EFHD1: variants seen among roughly 807,000 people sequenced by gnomAD.
EFHD1 encodes the protein EF-hand domain-containing protein D1.
In EFHD1, 10 loss-of-function variants were observed where a neutral mutation model predicts 17.2. The observed-to-expected ratio is 0.58, with a 90% CI of 0.36 to 0.99. The LOEUF is 0.99. EFHD1 is among the 50% of genes least tolerant of loss of function. The pLI, the probability that EFHD1 is intolerant of heterozygous loss-of-function variation, is 0.01. For missense variants in EFHD1, 310 were observed against 327.5 expected, an observed-to-expected ratio of 0.95 and a Z score of 0.41; for synonymous variants, 153 against 142.0, an observed-to-expected ratio of 1.08 and a Z score of -0.55.
At chr2:232,608,066 G>T (rs1439357626) in intron 1 of EFHD1, among the ~76,000 whole-genome samples, 1 of 150,892 alleles carries the variant, frequency 6.6e-6, no homozygotes, top group Non-Finnish European at 1.5e-5. Context: ...ATGGAATCAA[G>T]TCCCTTATAT....
At chr2:232,629,603 G>A (rs1442631880), upstream of EFHD1, among the ~76,000 whole-genome samples, 3 of 151,972 alleles carry the variant, frequency 2.0e-5, no homozygotes, top group Non-Finnish European at 4.4e-5. Flanking sequence ...CGAGTACCTG[G>A]GACTACAGGT....
intron 1 of EFHD1, among the ~76,000 whole-genome samples, chr2:232,613,645 T>TACAC (rs755155291): frequency 0.011 from 1,517 of 132,510 alleles, 20 homozygotes; most frequent in Non-Finnish European, 0.019. Context: ...TACACACACA[T>TACAC]ACACACACAC....
chr2:232,613,928 ACATACC>A (rs1430560807), intron 1 of EFHD1, among the ~76,000 whole-genome samples: 1 of 152,018 alleles, frequency 6.6e-6, no homozygotes, highest in Admixed American at 6.6e-5. Context: ...AAATATATAC[ACATACC>A]CATATACACA....
intron 1 of EFHD1, among the ~76,000 whole-genome samples, chr2:232,635,102 G>A (rs1023860145): frequency 6.6e-6 from 1 of 152,212 alleles, no homozygotes; most frequent in Non-Finnish European, 1.5e-5. Flanking sequence ...TCTTTGTCTG[G>A]CTTCCAGGCA....
intron 1 of EFHD1, among the ~76,000 whole-genome samples, chr2:232,653,076 C>T (rs34472888): frequency 0.06 from 9,119 of 152,076 alleles, 290 homozygotes; most frequent in South Asian, 0.11. Context: ...TCACTGCAAC[C>T]TCTGTCCCCT....
upstream of EFHD1, among the ~76,000 whole-genome samples, chr2:232,629,907 A>G (rs947644331): frequency 1.3e-5 from 2 of 151,938 alleles, no homozygotes; most frequent in Non-Finnish European, 2.9e-5. Flanking sequence ...TCATATTTGT[A>G]CAGTAAGATT....
At chr2:232,629,571 C>T (rs1694165576), upstream of EFHD1, among the ~76,000 whole-genome samples, 1 of 151,900 alleles carries the variant, frequency 6.6e-6, no homozygotes, top group African/African-American at 2.4e-5. Context: ...CGAGTTCAAG[C>T]GATTCTTCTG....
At chr2:232,627,652 T>C (rs2106189911) in intron 1 of EFHD1, among the ~76,000 whole-genome samples, 1 of 152,270 alleles carries the variant, frequency 6.6e-6, no homozygotes, top group South Asian at 2.1e-4. Context: ...CTAACTATCT[T>C]CTATTAAGCC....
chr2:232,622,921 G>A (rs1694046158), intron 1 of EFHD1, among the ~76,000 whole-genome samples: 1 of 152,186 alleles, frequency 6.6e-6, no homozygotes, highest in African/African-American at 2.4e-5. Context: ...TACATGTAGG[G>A]ATGATAATGT....
intron 1 of EFHD1, among the ~76,000 whole-genome samples, chr2:232,618,258 G>T (rs1188205511): frequency 6.6e-6 from 1 of 152,022 alleles, no homozygotes; most frequent in Non-Finnish European, 1.5e-5. Flanking sequence ...GACCTCAGGT[G>T]ATCCACCTGC....
chr2:232,638,426 T>C (rs1465806249), intron 1 of EFHD1: 1 of 471,172 alleles, frequency 2.1e-6, no homozygotes, highest in East Asian at 6.9e-5. Context: ...GGTGATGTCA[T>C]GGATGTCCTG....
Position 232,607,591 on chromosome 2 carries a change from C to CA in EFHD1, c.14+1433dup, listed in dbSNP as rs34534356. The stretch of plus-strand genomic sequence containing the variant: ...CCTGGGTAACAGAGCGAGAATGTCT[C>CA]AAAAAAAAAAAAAAATTAGCTGGGT... On this transcript the variant is annotated intron_variant, in intron 1 of 3. Transcript: ENST00000409613. Among the ~76,000 whole-genome samples, 721 of 133,018 alleles carry CA rather than the reference C, an allele frequency of 5.4e-3. 3 individuals are homozygous for CA. The highest frequency in any genetic ancestry group is 9.7e-3 in the Admixed American group (125 of 12,878). 87.3% of individuals were successfully genotyped at this position (133,018 alleles called of 152,430 possible). A position where few individuals can be genotyped will look rare whatever the true frequency, so the allele number is the denominator to read the frequency against.
intron 1 of EFHD1, among the ~76,000 whole-genome samples, chr2:232,655,134 G>A (rs1467139506): frequency 6.6e-6 from 1 of 152,208 alleles, no homozygotes; most frequent in African/African-American, 2.4e-5. Flanking sequence ...GGCAGTGAGC[G>A]GTGGGCAGAA....
intron 1 of EFHD1, among the ~76,000 whole-genome samples, chr2:232,649,049 T>C (rs1694587451): frequency 1.3e-5 from 2 of 152,118 alleles, no homozygotes; most frequent in African/African-American, 4.8e-5. Context: ...TCTTTTTCCA[T>C]GAATGGCAGG....
At chr2:232,658,388 G>A (rs1057054518) in intron 1 of EFHD1, among the ~76,000 whole-genome samples, 1 of 103,590 alleles carries the variant, frequency 9.7e-6, no homozygotes, top group Non-Finnish European at 2.0e-5. Flanking sequence ...TTCCCCATAA[G>A]AGCCTGCCTG....
intron 1 of EFHD1, among the ~76,000 whole-genome samples, chr2:232,643,141 C>T (rs1401973860): frequency 6.6e-6 from 1 of 151,788 alleles, no homozygotes; most frequent in Admixed American, 6.6e-5. Context: ...CAGGAAAGAC[C>T]TAGAGTTCTT....
chr2:232,666,170 T>TA (rs1166391709), intron 2 of EFHD1, among the ~76,000 whole-genome samples: 1 of 152,192 alleles, frequency 6.6e-6, no homozygotes, highest in Non-Finnish European at 1.5e-5. Context: ...GAACCTGAGA[T>TA]ACGATTCACA....
In EFHD1 at chr2:232,617,821, T is replaced by G. The variant is rs978795884; in HGVS notation, c.14+11648T>G. Among the ~76,000 whole-genome samples the G allele has an allele frequency of 4.1e-5, 6 of 146,964 alleles. 1 individual carries two copies. The highest frequency in any genetic ancestry group is 1.5e-4 in the African/African-American group (6 of 39,486). On this transcript the variant is annotated intron_variant, in intron 1 of 3. Coordinates refer to the EFHD1 transcript ENST00000409613. ...AACATTAGCCAGGTGTGGTGGTGGGTGCCTGTAATCCCAGCTACTCCGGAG... is the reference window on the plus strand; with the variant it reads ...AACATTAGCCAGGTGTGGTGGTGGGGGCCTGTAATCCCAGCTACTCCGGAG...
rs138412480 is a variant in EFHD1, at chr2:232,608,938, A to T, written c.14+2765A>T. ...AGCAAGACTCCATCTCAAAAAATAAAATAAAATACAATGAAAAAGCATTTT... is the reference window on the plus strand; with the variant it reads ...AGCAAGACTCCATCTCAAAAAATAATATAAAATACAATGAAAAAGCATTTT... On this transcript the variant is annotated intron_variant, in intron 1 of 3. Transcript: ENST00000409613. 6.1e-3 allele frequency among the ~76,000 whole-genome samples: 932 copies of T among 152,178 alleles called. 7 individuals carry two copies. The highest frequency in any genetic ancestry group is 0.021 in the African/African-American group (864 of 41,502).
Sources: allele counts gnomAD v4.1 joint callset (sites outside exome capture counted in the v4.1 genomes callset), GRCh38; gene constraint gnomAD v4.1.1; transcripts MANE v1.5; gene names NCBI Gene and HGNC (gene_info 2026-07-23, HGNC 2026-07-21).